SYNE2: variants seen among roughly 807,000 people sequenced by gnomAD.
SYNE2 encodes the protein spectrin repeat containing nuclear envelope protein 2.
SYNE2 carries 431 observed loss-of-function variants against 856.3 expected under a neutral mutation model. The observed-to-expected ratio is 0.50, with a 90% CI of 0.47 to 0.55. The LOEUF (loss-of-function observed/expected upper bound fraction) is 0.55, where lower values mean the gene tolerates loss of function less well. Among genes scored for constraint, SYNE2 ranks in the 20% least tolerant of loss-of-function variants. The pLI, the probability that SYNE2 is intolerant of heterozygous loss-of-function variation, is 0.00. For missense variants in SYNE2, 8,129 were observed against 8,023.2 expected (o/e 1.01, Z -0.50); for synonymous variants, 2,923 against 2,872.3 (o/e 1.02, Z -0.56).
intron 99 of SYNE2, among the ~76,000 whole-genome samples, chr14:64,193,117 C>T (rs2098525645): frequency 1.3e-5 from 2 of 152,232 alleles, no homozygotes; most frequent in Non-Finnish European, 1.5e-5. Flanking sequence ...TACATTTGAA[C>T]AGTGGCGACA....
chr14:64,002,712 T>C lies in SYNE2; in HGVS notation c.3787-8T>C. The C allele has an allele frequency of 6.2e-7, 1 of 1,610,892 alleles. No homozygotes were observed. The highest frequency in any genetic ancestry group is 8.5e-7 in the Non-Finnish European group (1 of 1,179,594). Reference sequence around the variant, plus strand: ...TCAGTGTTTTAGCTTTTCTTATCTTTATTTTAGAATATCCAAGATTCCATA... The same window carrying C: ...TCAGTGTTTTAGCTTTTCTTATCTTCATTTTAGAATATCCAAGATTCCATA... On this transcript the variant is annotated splice_polypyrimidine_tract_variant and splice_region_variant and intron_variant, in intron 29 of 115. Transcript: ENST00000555002.
Position 63,977,799 on chromosome 14 carries a change from T to C in SYNE2, c.1294-106T>C, listed in dbSNP as rs1595998068. 11 of 818,136 alleles carry C rather than the reference T, an allele frequency of 1.3e-5. No homozygotes were observed. The East Asian group carries it at 2.9e-4, about 22-fold the overall frequency. 50.7% of individuals were successfully genotyped at this position (818,136 alleles called of 1,614,324 possible). A position where few individuals can be genotyped will look rare whatever the true frequency, so the allele number is the denominator to read the frequency against. On this transcript the variant is annotated intron_variant, in intron 12 of 115. Coordinates refer to ENST00000555002, the MANE Select transcript of SYNE2 (RefSeq NM_182914.3). ...AAAAGGTGGGTTGTGGGGAGGGTTTTATGATTTTTTTTTGAAAAAAGATGT... is the reference window on the plus strand; with the variant it reads ...AAAAGGTGGGTTGTGGGGAGGGTTTCATGATTTTTTTTTGAAAAAAGATGT...
chr14:63,968,566 C>A (rs1448345812), intron 11 of SYNE2, among the ~76,000 whole-genome samples: 1 of 152,026 alleles, frequency 6.6e-6, no homozygotes, highest in East Asian at 1.9e-4. Flanking sequence ...TAATTTCAGT[C>A]CTTTTCAATT....
At chr14:64,134,239 T>C (rs2098059302) in intron 78 of SYNE2, 39 bp downstream of exon 78, 2 of 1,609,136 alleles carry the variant, frequency 1.2e-6, no homozygotes, top group Non-Finnish European at 8.5e-7. Context: ...GGCGTGTCCA[T>C]AGCACTTTGT....
intron 35 of SYNE2, 56 bp downstream of exon 35, chr14:64,020,149 T>C: frequency 8.2e-7 from 1 of 1,220,682 alleles, no homozygotes. Context: ...GCCATAATCA[T>C]ATCACTGCAC....
chr14:64,003,887 G>C (rs1012665568), intron 30 of SYNE2, among the ~76,000 whole-genome samples: 1 of 152,198 alleles, frequency 6.6e-6, no homozygotes, highest in Non-Finnish European at 1.5e-5. Context: ...GAGGTTGGCA[G>C]CCTTCTGTAT....
Position 64,021,548 on chromosome 14 carries a change from G to A in SYNE2, c.5352+33G>A, listed in dbSNP as rs373495242. The A allele has an allele frequency of 1.9e-6, 3 of 1,610,146 alleles. No individual in the cohort carries two copies. The African/African-American group carries it at 4.0e-5, about 22-fold the overall frequency. Reference sequence around the variant, plus strand: ...CGAGCTGCTTGTCTTCTGTGGTTCAGATTTATTTTCACACTATTTGCAGTT... The same window carrying A: ...CGAGCTGCTTGTCTTCTGTGGTTCAAATTTATTTTCACACTATTTGCAGTT... On this transcript the variant is annotated intron_variant, in intron 36 of 115. Transcript: ENST00000555002.
At position 63,842,712 on chromosome 14, in the gene SYNE2, G is replaced by A. The variant is rs546714841; in HGVS notation, c.-304-9789G>A. On this transcript the variant is annotated intron_variant, in intron 1 of 23. Transcript: ENST00000674003. ...TGACCTCAAATGACCCGCCGGCCTC[G>A]GCCTCCCAAAGTGCTGGGATTATAG... Among the ~76,000 whole-genome samples, 73 of 151,340 alleles carry A rather than the reference G, an allele frequency of 4.8e-4. 1 individual carries two copies. The South Asian group carries it at 0.013, about 27-fold the overall frequency.
chr14:64,183,088 TGCCGGGCGGAGGG>T (rs2098468091), intron 96 of SYNE2, among the ~76,000 whole-genome samples: 1 of 142,454 alleles, frequency 7.0e-6, no homozygotes, highest in African/African-American at 2.8e-5. Context: ...ACGGGGCGGC[TGCCGGGCGGAGGG>T]GCTCCTCACT....
At chr14:63,912,830 G>A (rs918905900) in intron 2 of SYNE2, among the ~76,000 whole-genome samples, 6 of 152,238 alleles carry the variant, frequency 3.9e-5, no homozygotes, top group African/African-American at 7.2e-5. Flanking sequence ...GTGCTTTGCC[G>A]AAATTCATAG....
chr14:64,088,035 T>A (rs1025741417), intron 58 of SYNE2, among the ~76,000 whole-genome samples, 179 bp downstream of exon 58: 3 of 152,120 alleles, frequency 2.0e-5, no homozygotes, highest in Non-Finnish European at 4.4e-5. Context: ...ATACAAAATT[T>A]AGCTGGGCAT....
chr14:64,055,603 G>A (rs1044621423), intron 48 of SYNE2, among the ~76,000 whole-genome samples: 8 of 152,056 alleles, frequency 5.3e-5, no homozygotes, highest in Admixed American at 3.9e-4. Context: ...TCTGGACCTC[G>A]TGATCCACCC....
At chr14:63,891,734 C>T (rs1566726898) in intron 1 of SYNE2, among the ~76,000 whole-genome samples, 1 of 151,696 alleles carries the variant, frequency 6.6e-6, no homozygotes, top group Non-Finnish European at 1.5e-5. Context: ...CAAAACAGAC[C>T]TTATCTGAAA....
chr14:64,098,860 C>G, intron 63 of SYNE2, 39 bp downstream of exon 63: 2 of 1,596,320 alleles, frequency 1.3e-6, no homozygotes, highest in Non-Finnish European at 1.7e-6. Flanking sequence ...TTGTTAGAAC[C>G]AGATCTCTAA....
rs925009916 is a variant in SYNE2 at position 64,026,787 on chromosome 14, C to A, written c.6404+57C>A. ...ATCCCATTGCCCAGTGAAGCCATAACAAGTATGTTTTGTCTGCCCCCTGGG... is the reference window on the plus strand; with the variant it reads ...ATCCCATTGCCCAGTGAAGCCATAAAAAGTATGTTTTGTCTGCCCCCTGGG... On this transcript the variant is annotated intron_variant, in intron 42 of 115. Transcript: ENST00000555002. The A allele has an allele frequency of 9.6e-6, 15 of 1,556,520 alleles. No homozygotes were observed. In the South Asian group the frequency reaches 1.1e-4, roughly 11 times the overall value.
At chr14:63,863,806 GT>G (rs1566643598) in intron 1 of SYNE2, among the ~76,000 whole-genome samples, 1 of 152,038 alleles carries the variant, frequency 6.6e-6, no homozygotes, top group African/African-American at 2.4e-5. Flanking sequence ...TTAAAGATAT[GT>G]TTTATTTTTT....
intron 85 of SYNE2, among the ~76,000 whole-genome samples, 185 bp downstream of exon 85, chr14:64,152,901 G>A (rs183677291): frequency 8.3e-4 from 127 of 152,282 alleles, no homozygotes; most frequent in African/African-American, 3.0e-3. Context: ...ATAATTAGAG[G>A]CAAAGCCACC....
At chr14:63,854,380 G>A (rs1181855277) in intron 1 of SYNE2, among the ~76,000 whole-genome samples, 1 of 152,154 alleles carries the variant, frequency 6.6e-6, no homozygotes. Flanking sequence ...TCAGAGGAGA[G>A]TGTTCAGCTT....
chr14:64,152,715 A>C lies in SYNE2; in HGVS notation c.15791A>C (p.Gln5264Pro). ...CAAAAGAGAAGCAGTGTTCTCACTC[A>C]GGTACTAGAATTCATTTGAAATGTG... ...LFQKRSSVLT[Q>P]VNQLKTSMQS... is the part of the protein sequence containing the mutation. The change falls in exon 85 of 116, where the codon CAG becomes CCG. Residue 5264 changes from glutamine to proline, a missense_variant and splice_region_variant. Gln to Pro is a moderately conservative substitution (Grantham distance 76). Transcript: ENST00000555002. 6.2e-7 allele frequency: 1 copy of C among 1,614,068 alleles called. No homozygotes were observed. The highest frequency in any genetic ancestry group is 8.5e-7 in the Non-Finnish European group (1 of 1,179,946).
Sources: gnomAD v4.1 joint callset for allele counts (sites outside exome capture counted in the v4.1 genomes callset) on GRCh38, gnomAD v4.1.1 for gene constraint, MANE v1.5 for transcripts, NCBI Gene and HGNC (gene_info 2026-07-23, HGNC 2026-07-21) for gene names.